PXMP2: variants seen among roughly 807,000 people sequenced by gnomAD.
PXMP2 encodes peroxisomal membrane protein 2.
In PXMP2, 13 loss-of-function variants were observed where a neutral mutation model predicts 20.2. The observed-to-expected ratio is 0.64, with a 90% CI of 0.42 to 1.02. The LOEUF is 1.02. Among genes scored for constraint, PXMP2 ranks in the 50% least tolerant of loss-of-function variants. The pLI is 0.00. For synonymous variants in PXMP2, 113 were observed against 111.2 expected (o/e 1.02, Z -0.10); for missense variants, 284 against 251.8 (o/e 1.13, Z -0.87).
intron 3 of PXMP2, among the ~76,000 whole-genome samples, chr12:132,700,041 C>CTTTTTTT (rs201949583): frequency 1.4e-5 from 2 of 140,238 alleles, no homozygotes; most frequent in Admixed American, 7.1e-5. Context: ...TGTTTTTTGA[C>CTTTTTTT]CTTTTTTTTT....
In PXMP2 at chr12:132,690,361, G is replaced by A. The variant is rs2043359194; in HGVS notation, c.221G>A (p.Arg74Lys). 6.2e-7 allele frequency: 1 copy of A among 1,612,898 alleles called. No individual in the cohort carries two copies. Among genetic ancestry groups the A allele is most frequent in the Non-Finnish European group, 8.5e-7 (1 of 1,179,246 alleles). ...AGTCTGGATGTCGGTGGGCCTCTGA[G>A]ATATGCCGTTTACGGGTGAGTGCCA... Reference protein sequence around the residue: ...SRSLDVGGPLRYAVYGFFFTG... With the variant: ...SRSLDVGGPLKYAVYGFFFTG... Residue 74 changes from arginine (R) to lysine (K), a missense_variant, in exon 2 of 5, where the codon AGA (arginine) becomes AAA (lysine). Coordinates refer to ENST00000317479, the MANE Select transcript of PXMP2 (RefSeq NM_018663.3).
chr12:132,691,783 T>C (rs544987629), intron 2 of PXMP2, among the ~76,000 whole-genome samples: 7 of 152,300 alleles, frequency 4.6e-5, no homozygotes, highest in African/African-American at 1.7e-4. Context: ...TGAGAACCAC[T>C]TATCTAAAGA....
intron 2 of PXMP2, among the ~76,000 whole-genome samples, chr12:132,694,967 A>G (rs1342140711): frequency 3.0e-5 from 2 of 66,432 alleles, no homozygotes; most frequent in Non-Finnish European, 8.6e-5. Context: ...CTCCCTTGCC[A>G]GTTAGTTAGT....
chr12:132,691,034 T>C (rs1023462836), intron 2 of PXMP2, among the ~76,000 whole-genome samples: 1 of 150,122 alleles, frequency 6.7e-6, no homozygotes, highest in African/African-American at 2.4e-5. Context: ...GACCAGTTAG[T>C]TTCTATTGTT....
chr12:132,697,698 G>A (rs1316691460), intron 3 of PXMP2, among the ~76,000 whole-genome samples: 37 of 152,080 alleles, frequency 2.4e-4, no homozygotes, highest in Middle Eastern at 3.4e-3. Flanking sequence ...GAGCCACTGC[G>A]CCCAGCCGTA....
intron 4 of PXMP2, among the ~76,000 whole-genome samples, chr12:132,704,283 C>T (rs745609408): frequency 4.6e-5 from 7 of 152,082 alleles, no homozygotes; most frequent in Non-Finnish European, 8.8e-5. Context: ...GGTGCAGCCA[C>T]CTGCATGATG....
At chr12:132,701,426 T>C (rs1380788326) in intron 4 of PXMP2, 57 bp downstream of exon 4, 20 of 1,589,164 alleles carry the variant, frequency 1.3e-5, no homozygotes, top group Non-Finnish European at 1.7e-5. Context: ...TTTTCCTTCC[T>C]TCCTTCCTTC....
chr12:132,697,335 T>C (rs976955107), intron 3 of PXMP2, among the ~76,000 whole-genome samples: 11 of 152,024 alleles, frequency 7.2e-5, no homozygotes, highest in Non-Finnish European at 1.5e-4. Context: ...TCTGTCAAAA[T>C]TTTTTCTGAA....
intron 4 of PXMP2, 117 bp downstream of exon 4, chr12:132,701,486 TTTG>T (rs1341140712): frequency 4.5e-5 from 62 of 1,374,842 alleles, no homozygotes; most frequent in African/African-American, 3.4e-4. Context: ...CTCTTCTTTC[TTTG>T]GTAGTTTTCC....
Position 132,695,895 on chromosome 12 carries a change from C to A in PXMP2, c.248C>A (p.Thr83Lys). 1 of 1,605,718 alleles carries A rather than the reference C, an allele frequency of 6.2e-7. No homozygotes were observed. Among genetic ancestry groups the A allele is most frequent in the Non-Finnish European group, 8.5e-7 (1 of 1,175,758 alleles). Residue 83 changes from threonine (T) to lysine (K), a missense_variant, in exon 3 of 5, where the codon ACA (threonine) becomes AAA (lysine). Coordinates refer to ENST00000317479, the MANE Select transcript of PXMP2 (RefSeq NM_018663.3). ...CCTGGGGGCCTCAGGTTCTTCTTCA[C>A]AGGGCCGCTGAGTCACTTCTTCTAC... is the stretch of plus-strand genomic sequence containing the variant. ...LRYAVYGFFF[T>K]GPLSHFFYFF...
chr12:132,697,580 G>T (rs543769712), intron 3 of PXMP2, among the ~76,000 whole-genome samples: 8 of 151,840 alleles, frequency 5.3e-5, no homozygotes, highest in African/African-American at 1.9e-4. Context: ...GCTTATTTTT[G>T]TATTTTTAGT....
Position 132,687,647 on chromosome 12 carries a change from C to T in PXMP2, c.-24C>T. The stretch of plus-strand genomic sequence containing the variant: ...CAGCCTGAGGTGGGGTCGGTGCCCC[C>T]GGCGGCACGGCGCTGGGGAGGCGAT... On this transcript the variant is annotated 5_prime_UTR_variant, in exon 1 of 5. Transcript: ENST00000317479. 1.7e-6 allele frequency: 2 copies of T among 1,152,992 alleles called. No individual in the cohort carries two copies. Among genetic ancestry groups the T allele is most frequent in the East Asian group, 4.2e-5 (1 of 24,018 alleles). The allele number at this position is 1,152,992 out of a possible 1,614,324, so 71.4% of individuals were successfully genotyped here.
rs752713957 is a variant in PXMP2, at chr12:132,696,042, T to G, written c.395T>G (p.Leu132Arg). 2 of 1,603,580 alleles carry G rather than the reference T, an allele frequency of 1.2e-6. No homozygotes were observed. Among genetic ancestry groups the G allele is most frequent in the Non-Finnish European group, 1.7e-6 (2 of 1,174,094 alleles). ...TTGTTCTTCCTCATCATGAACTTTCTGGAGGTGGGTGTCTGCCACAGCACT... is the reference window on the plus strand; with the variant it reads ...TTGTTCTTCCTCATCATGAACTTTCGGGAGGTGGGTGTCTGCCACAGCACT... Reference protein sequence around the residue: ...LMLFFLIMNFLEGKDASAFAA... With the variant: ...LMLFFLIMNFREGKDASAFAA... The change falls in exon 3 of 5, where the codon CTG becomes CGG. Residue 132 changes from leucine to arginine, a missense_variant. Coordinates refer to ENST00000317479, the MANE Select transcript of PXMP2 (RefSeq NM_018663.3). The surrounding 1 kb of genome is among the most constrained non-coding windows in gnomAD (Gnocchi z 4.4).
chr12:132,701,221 G>C (rs1322096989), intron 3 of PXMP2, 29 bp from the exon 4 acceptor site: 3 of 1,613,082 alleles, frequency 1.9e-6, no homozygotes, highest in Non-Finnish European at 2.5e-6. Flanking sequence ...CAGTGAGACT[G>C]TTCACCACCC....
chr12:132,689,577 G>T (rs1386806923), intron 1 of PXMP2, among the ~76,000 whole-genome samples: 2 of 152,186 alleles, frequency 1.3e-5, no homozygotes, highest in Non-Finnish European at 2.9e-5. Flanking sequence ...TGATCGAGAA[G>T]GTGTCTAGGT....
At position 132,704,913 on chromosome 12, in the gene PXMP2, T is replaced by A; in HGVS notation, c.*226T>A. On this transcript the variant is annotated 3_prime_UTR_variant, in exon 5 of 5. Coordinates refer to ENST00000317479, the MANE Select transcript of PXMP2 (RefSeq NM_018663.3). ...TGGTGCTGCCCCAGAAACTTAAAAT[T>A]TAGTCGAGGCAGTTTCAATTGTTAC... 1.8e-6 allele frequency: 1 copy of A among 549,348 alleles called. No homozygotes were observed. 34.0% of individuals were successfully genotyped at this position (549,348 alleles called of 1,614,324 possible).
intron 2 of PXMP2, among the ~76,000 whole-genome samples, chr12:132,691,470 T>G (rs1416793907): frequency 1.3e-5 from 2 of 152,234 alleles, no homozygotes; most frequent in African/African-American, 2.4e-5. Flanking sequence ...TTTTACCAAT[T>G]TAATCCACCG....
chr12:132,694,536 A>ATAGTGAGCGCCCTTGCCAGTTAGT (rs1565991456), intron 2 of PXMP2, among the ~76,000 whole-genome samples: 2 of 36,240 alleles, frequency 5.5e-5, no homozygotes, highest in Non-Finnish European at 1.3e-4. Context: ...AGCCAGTTAG[A>ATAGTGAGCGCCCTTGCCAGTTAGT]TAGTGAGCGC....
At chr12:132,704,577 C>T in intron 4 of PXMP2, 42 bp from the exon 5 acceptor site, 1 of 1,376,216 alleles carries the variant, frequency 7.3e-7, no homozygotes, top group South Asian at 1.9e-5. Context: ...CTGGCCACGG[C>T]CTCCCGCTGA....
Sources: gnomAD v4.1 joint callset for allele counts (sites outside exome capture counted in the v4.1 genomes callset) on GRCh38, gnomAD v4.1.1 for gene constraint, Gnocchi (gnomAD v3.1) non-coding constraint, MANE v1.5 for transcripts, NCBI Gene and HGNC (gene_info 2026-07-23, HGNC 2026-07-21) for gene names.